The following TBC1D19 variants were observed in gnomAD, a reference collection of about 807,000 sequenced individuals.
TBC1D19 encodes TBC1 domain family, member 19.
A neutral mutation model predicts 89.0 loss-of-function variants in TBC1D19; 60 were observed. That is an observed-to-expected ratio of 0.67 (90% CI 0.55 to 0.84). The LOEUF is 0.84. Ranked by LOEUF, TBC1D19 falls within the 40% of genes least tolerant of loss-of-function variation. The pLI is 0.00. For synonymous variants in TBC1D19, 189 were observed against 199.7 expected, an observed-to-expected ratio of 0.95 and a Z score of 0.45; for missense variants, 500 against 610.8, an observed-to-expected ratio of 0.82 and a Z score of 1.91.
At chr4:26,848,763 C>T in the TBC1D19 span, among the ~76,000 whole-genome samples, 42 of 152,314 alleles carry the variant, frequency 2.8e-4, no homozygotes, top group Non-Finnish European at 4.3e-4. Flanking sequence ...CATTTCTTCT[C>T]CTGTTTGTAC....
chr4:26,659,772 C>T (rs1431333454), intron 8 of TBC1D19, 65 bp downstream of exon 8: 2 of 1,039,876 alleles, frequency 1.9e-6, no homozygotes, highest in East Asian at 2.5e-5. Context: ...TGTTTTAATA[C>T]AGCATGTATG....
At chr4:26,681,910 T>C (rs539115164) in intron 11 of TBC1D19, among the ~76,000 whole-genome samples, 1 of 152,320 alleles carries the variant, frequency 6.6e-6, no homozygotes, top group South Asian at 2.1e-4. Flanking sequence ...TACATAGTCA[T>C]ATAAGCATGG....
At chr4:26,631,764 T>C (rs561285453) in intron 4 of TBC1D19, among the ~76,000 whole-genome samples, 1 of 152,222 alleles carries the variant, frequency 6.6e-6, no homozygotes, top group South Asian at 2.1e-4. Context: ...AAAATGATAG[T>C]AATGACACAC....
At chr4:26,704,479 T>C (rs933596650) in intron 13 of TBC1D19, among the ~76,000 whole-genome samples, 2 of 152,212 alleles carry the variant, frequency 1.3e-5, no homozygotes, top group Non-Finnish European at 2.9e-5. Flanking sequence ...GATACTGAAG[T>C]GTGACATAGT....
intron 1 of TBC1D19, among the ~76,000 whole-genome samples, chr4:26,604,143 T>G (rs1028802409): frequency 6.8e-6 from 1 of 146,564 alleles, no homozygotes; most frequent in African/African-American, 2.6e-5. Flanking sequence ...CAGAATTTTC[T>G]TTTTCTTTTT....
chr4:26,658,091 T>C (rs567922894), intron 7 of TBC1D19, among the ~76,000 whole-genome samples: 19 of 152,262 alleles, frequency 1.2e-4, no homozygotes, highest in Admixed American at 1.2e-3. Context: ...TTAGTTTAAT[T>C]AGATCCCATT....
intron 15 of TBC1D19, among the ~76,000 whole-genome samples, chr4:26,731,001 G>C (rs1488006612): frequency 6.6e-6 from 1 of 152,188 alleles, no homozygotes; most frequent in Non-Finnish European, 1.5e-5. Context: ...GGGTCACAGA[G>C]CCCTCAGCTC....
the TBC1D19 span, among the ~76,000 whole-genome samples, chr4:26,854,850 A>G: frequency 9.2e-5 from 14 of 151,436 alleles, no homozygotes; most frequent in Admixed American, 5.3e-4. Context: ...TAGCTCATGC[A>G]TGGATAATGC....
At chr4:26,786,023 C>T in the TBC1D19 span, among the ~76,000 whole-genome samples, 1 of 152,294 alleles carries the variant, frequency 6.6e-6, no homozygotes, top group South Asian at 2.1e-4. Context: ...GCTCCATGCT[C>T]ATTACAGGAT....
intron 20 of TBC1D19, 119 bp downstream of exon 20, chr4:26,754,009 T>C: frequency 1.1e-6 from 1 of 945,728 alleles, no homozygotes; most frequent in Non-Finnish European, 1.6e-6. Context: ...TTAACTCGGG[T>C]AAAACCTGTT....
In TBC1D19 at chr4:26,645,611, T is replaced by C. The variant is rs552898505; in HGVS notation, c.480+5424T>C. Among the ~76,000 whole-genome samples, 99 of 152,296 alleles carry C rather than the reference T, an allele frequency of 6.5e-4. 1 individual carries two copies. The East Asian group carries it at 0.018, about 28-fold the overall frequency. On this transcript the variant is annotated intron_variant, in intron 7 of 20. Transcript: ENST00000264866. ...TAGGCATGGGCAAGGACTTCACGTC[T>C]AAAACACCAAAAGCAATGGCAACAA...
chr4:26,771,441 G>A, the TBC1D19 span, among the ~76,000 whole-genome samples: 1 of 151,994 alleles, frequency 6.6e-6, no homozygotes, highest in Admixed American at 6.6e-5. Context: ...ACCTAAATGA[G>A]TGAATAAAGA....
chr4:26,848,417 T>C, the TBC1D19 span, among the ~76,000 whole-genome samples: 16 of 152,348 alleles, frequency 1.1e-4, no homozygotes, highest in African/African-American at 2.6e-4. Context: ...TACATTTAAA[T>C]GCTTACTGCA....
chr4:26,711,412 T>C (rs1716180466), intron 13 of TBC1D19, among the ~76,000 whole-genome samples: 1 of 152,088 alleles, frequency 6.6e-6, no homozygotes, highest in South Asian at 2.1e-4. Context: ...AAAAAAATTT[T>C]ATAATAGTTT....
the TBC1D19 span, among the ~76,000 whole-genome samples, chr4:26,842,347 T>TTTTC: frequency 3.9e-5 from 5 of 126,674 alleles, no homozygotes; most frequent in African/African-American, 1.4e-4. Context: ...TTTCTTTTTT[T>TTTTC]TTTTTTTTTT....
At chr4:26,798,884 G>A in the TBC1D19 span, among the ~76,000 whole-genome samples, 2 of 151,972 alleles carry the variant, frequency 1.3e-5, no homozygotes, top group South Asian at 2.1e-4. Flanking sequence ...AAATGGGAGA[G>A]GGTAGAAGGG....
intron 13 of TBC1D19, among the ~76,000 whole-genome samples, chr4:26,708,098 CAG>C (rs1180522370): frequency 6.6e-6 from 1 of 152,044 alleles, no homozygotes; most frequent in East Asian, 1.9e-4. Flanking sequence ...TTTCTTCACT[CAG>C]AGTCTAGTTA....
the TBC1D19 span, among the ~76,000 whole-genome samples, chr4:26,785,462 G>A: frequency 9.4e-3 from 1,430 of 152,332 alleles, 19 homozygotes; most frequent in African/African-American, 0.033. Context: ...ATAGTTAGCA[G>A]TGACACAAGT....
At chr4:26,841,408 A>G in the TBC1D19 span, among the ~76,000 whole-genome samples, 1 of 147,622 alleles carries the variant, frequency 6.8e-6, no homozygotes, top group Non-Finnish European at 1.5e-5. Flanking sequence ...AAAAAAGTGT[A>G]TGACTTGTTG....
Sources: gnomAD v4.1 joint callset for allele counts (sites outside exome capture counted in the v4.1 genomes callset) on GRCh38, gnomAD v4.1.1 for gene constraint, MANE v1.5 for transcripts, NCBI Gene and HGNC (gene_info 2026-07-23, HGNC 2026-07-21) for gene names.